Variants in TBC1D5 observed in about 807,000 individuals in gnomAD.
TBC1D5 encodes TBC1 domain family, member 5.
TBC1D5 carries 75 observed loss-of-function variants against 100.3 expected under a neutral mutation model. The observed-to-expected ratio is 0.75, with a 90% CI of 0.62 to 0.91. The LOEUF is 0.91. TBC1D5 is among the 40% of genes least tolerant of loss of function. TBC1D5 has a pLI of 0.00. For synonymous variants in TBC1D5, 323 were observed against 325.6 expected, an observed-to-expected ratio of 0.99 and a Z score of 0.09; for missense variants, 910 against 942.4, an observed-to-expected ratio of 0.97 and a Z score of 0.45.
intron 17 of TBC1D5, among the ~76,000 whole-genome samples, chr3:17,231,545 C>CTTTA (rs1187432698): frequency 6.6e-6 from 1 of 151,960 alleles, no homozygotes; most frequent in Non-Finnish European, 1.5e-5. Flanking sequence ...TTGATACTTA[C>CTTTA]TTTATTTCTT....
intron 17 of TBC1D5, among the ~76,000 whole-genome samples, chr3:17,234,848 C>A (rs1253547990): frequency 6.6e-6 from 1 of 152,120 alleles, no homozygotes; most frequent in Non-Finnish European, 1.5e-5. Flanking sequence ...AATCCGGAAA[C>A]TGTTAAGTTG....
At chr3:17,352,807 G>C (rs1413332407) in intron 13 of TBC1D5, among the ~76,000 whole-genome samples, 1 of 151,292 alleles carries the variant, frequency 6.6e-6, no homozygotes, top group Non-Finnish European at 1.5e-5. Context: ...CCAGAAATAT[G>C]AGTTGTACGT....
At chr3:17,724,369 A>G (rs1426894555) in intron 1 of TBC1D5, among the ~76,000 whole-genome samples, 3 of 152,212 alleles carry the variant, frequency 2.0e-5, no homozygotes, top group Non-Finnish European at 4.4e-5. Flanking sequence ...TGCTGGGGTT[A>G]CAGGCATGAG....
chr3:17,258,144 T>C (rs1574997678), intron 16 of TBC1D5, among the ~76,000 whole-genome samples: 1 of 152,136 alleles, frequency 6.6e-6, no homozygotes, highest in South Asian at 2.1e-4. Flanking sequence ...ATTTTTAATT[T>C]TGTTACTGAA....
At chr3:17,519,506 A>T (rs1192615986) in intron 2 of TBC1D5, among the ~76,000 whole-genome samples, 4 of 152,144 alleles carry the variant, frequency 2.6e-5, no homozygotes, top group African/African-American at 9.7e-5. Flanking sequence ...TCAGATGCCC[A>T]CTTACCTTAT....
At chr3:17,248,867 C>T (rs1186934313) in intron 16 of TBC1D5, among the ~76,000 whole-genome samples, 3 of 152,232 alleles carry the variant, frequency 2.0e-5, no homozygotes, top group African/African-American at 7.2e-5. Context: ...GTAGCGAGCC[C>T]CCTTTATCAA....
At position 17,331,689 on chromosome 3, in the gene TBC1D5, A is replaced by G. The variant is rs144077368; in HGVS notation, c.996-23555T>C. 3.9e-5 allele frequency among the ~76,000 whole-genome samples: 6 copies of G among 152,346 alleles called. No homozygotes were observed. In the East Asian group the frequency reaches 1.2e-3, roughly 29 times the overall value. ...GGAGCCAGAATGTTAATAAAGAAGT[A>G]CTTAATAAATCATAAATGCTATTAA... On this transcript the variant is annotated intron_variant, in intron 13 of 21. Transcript: ENST00000253692.
At chr3:17,400,290 T>C (rs2093613316) in intron 8 of TBC1D5, among the ~76,000 whole-genome samples, 1 of 152,152 alleles carries the variant, frequency 6.6e-6, no homozygotes, top group Admixed American at 6.6e-5. Flanking sequence ...TGTACTTCTT[T>C]TATATTATTA....
chr3:17,246,584 T>C (rs1474680926), intron 16 of TBC1D5, among the ~76,000 whole-genome samples: 2 of 152,216 alleles, frequency 1.3e-5, no homozygotes, highest in Non-Finnish European at 2.9e-5. Context: ...TGGAAATGGA[T>C]CACACATATA....
intron 1 of TBC1D5, among the ~76,000 whole-genome samples, chr3:17,688,153 T>C (rs569633479): frequency 2.0e-5 from 3 of 152,220 alleles, no homozygotes; most frequent in African/African-American, 7.2e-5. Context: ...TTCACAGTAT[T>C]AAATAAAAAA....
chr3:17,568,423 T>A (rs2096606486), intron 2 of TBC1D5, among the ~76,000 whole-genome samples: 1 of 151,468 alleles, frequency 6.6e-6, no homozygotes, highest in African/African-American at 2.4e-5. Flanking sequence ...AAATATTATT[T>A]TGTTAAGCAT....
chr3:17,737,908 C>A (rs866093275), intron 1 of TBC1D5, among the ~76,000 whole-genome samples: 3 of 151,740 alleles, frequency 2.0e-5, no homozygotes, highest in Middle Eastern at 3.4e-3. Context: ...GAATATTTTC[C>A]TGGAGTTAGC....
intron 13 of TBC1D5, among the ~76,000 whole-genome samples, chr3:17,365,215 T>C (rs1186695803): frequency 6.6e-6 from 1 of 152,200 alleles, no homozygotes; most frequent in African/African-American, 2.4e-5. Context: ...TACACTTGTT[T>C]TCCTCTTGCT....
chr3:17,244,956 A>AAGG (rs1231158309), intron 16 of TBC1D5, among the ~76,000 whole-genome samples: 2 of 150,860 alleles, frequency 1.3e-5, no homozygotes, highest in African/African-American at 4.9e-5. Context: ...AAGGCCGAGG[A>AAGG]AGGACAACTG....
chr3:17,484,490 T>TGTGTGTGTGTGTGTGTGTGTGTGTGTGTG (rs2095536962), intron 3 of TBC1D5, among the ~76,000 whole-genome samples: 1 of 99,408 alleles, frequency 1.0e-5, no homozygotes, highest in African/African-American at 4.9e-5. Flanking sequence ...GTGTGTGTGT[T>TGTGTGTGTGTGTGTGTGTGTGTGTGTGTG]TGGGTAACAA....
At chr3:17,697,862 A>G (rs1300069763) in intron 1 of TBC1D5, among the ~76,000 whole-genome samples, 5 of 152,132 alleles carry the variant, frequency 3.3e-5, no homozygotes, top group Non-Finnish European at 7.3e-5. Flanking sequence ...AATACACTAC[A>G]AGGCTACAGT....
intron 2 of TBC1D5, among the ~76,000 whole-genome samples, chr3:17,562,652 C>A (rs2096567075): frequency 6.6e-6 from 1 of 152,076 alleles, no homozygotes. Flanking sequence ...TAACCCAGCA[C>A]AAGGGCAACA....
intron 2 of TBC1D5, among the ~76,000 whole-genome samples, chr3:17,621,447 T>A (rs1577067075): frequency 6.6e-6 from 1 of 152,164 alleles, no homozygotes; most frequent in Non-Finnish European, 1.5e-5. Context: ...TAAAAGATAA[T>A]CCTGCAACAA....
chr3:17,464,850 A>T (rs1283870511), intron 3 of TBC1D5, among the ~76,000 whole-genome samples: 1 of 150,490 alleles, frequency 6.6e-6, no homozygotes, highest in Non-Finnish European at 1.5e-5. Context: ...CTATATTTCA[A>T]AAAGTTTTTT....
Sources: gnomAD v4.1 joint callset for allele counts (sites outside exome capture counted in the v4.1 genomes callset) on GRCh38, gnomAD v4.1.1 for gene constraint, MANE v1.5 for transcripts, NCBI Gene and HGNC (gene_info 2026-07-23, HGNC 2026-07-21) for gene names.